Variants in NXPE2 observed in about 807,000 individuals in gnomAD.
The protein encoded by NXPE2 is neurexophilin and PC-esterase domain family member 2, also known as NXPE family member 2.
Under a neutral mutation model 34.4 loss-of-function variants are expected in NXPE2, and 34 were observed. The ratio of observed to expected loss-of-function variants is 0.99; its 90% CI spans 0.75 to 1.31. The LOEUF (loss-of-function observed/expected upper bound fraction) is 1.31, where lower values mean the gene tolerates loss of function less well. NXPE2 is among the 40% of genes most tolerant of loss of function. NXPE2 has a pLI of 0.00. For missense variants in NXPE2, 649 were observed against 672.5 expected (o/e 0.97, Z 0.39); for synonymous variants, 235 against 231.3 (o/e 1.02, Z -0.15).
At chr11:114,588,810 C>T in the NXPE2 span, among the ~76,000 whole-genome samples, 4 of 152,314 alleles carry the variant, frequency 2.6e-5, no homozygotes, top group Admixed American at 2.6e-4. Flanking sequence ...TAATAAAACA[C>T]ACCTTCTTGT....
At chr11:114,490,195 T>G in the NXPE2 span, among the ~76,000 whole-genome samples, 9 of 152,146 alleles carry the variant, frequency 5.9e-5, no homozygotes, top group Admixed American at 2.0e-4. Flanking sequence ...CACTGCTCAA[T>G]GAAATAAAAG....
the NXPE2 span, among the ~76,000 whole-genome samples, chr11:114,734,826 C>T: frequency 5.3e-5 from 8 of 151,948 alleles, no homozygotes; most frequent in Non-Finnish European, 8.8e-5. Context: ...AACCATTGCA[C>T]GGCAGGGCGC....
chr11:114,608,765 C>A, the NXPE2 span, among the ~76,000 whole-genome samples: 2 of 151,716 alleles, frequency 1.3e-5, no homozygotes, highest in African/African-American at 4.8e-5. Context: ...ATAAGTACTG[C>A]CTCATGGATA....
the NXPE2 span, among the ~76,000 whole-genome samples, chr11:114,610,198 A>T: frequency 6.6e-6 from 1 of 151,898 alleles, no homozygotes; most frequent in Admixed American, 6.6e-5. Context: ...CCACGTGGGT[A>T]GCCACTGTTA....
chr11:114,558,365 A>G, the NXPE2 span, among the ~76,000 whole-genome samples: 1 of 152,156 alleles, frequency 6.6e-6, no homozygotes, highest in African/African-American at 2.4e-5. Context: ...AGATGATTAG[A>G]AGTGGCCATA....
chr11:114,571,047 C>T, the NXPE2 span: 1 of 1,613,616 alleles, frequency 6.2e-7, no homozygotes. Context: ...ATCAATGATA[C>T]TCACACTGAG....
At chr11:114,680,378 C>T (rs1222459877) in intron 2 of NXPE2, among the ~76,000 whole-genome samples, 1 of 152,106 alleles carries the variant, frequency 6.6e-6, no homozygotes, top group African/African-American at 2.4e-5. Context: ...GTCTTTCTAA[C>T]CTTTGTCTAA....
chr11:114,644,983 T>C, the NXPE2 span, among the ~76,000 whole-genome samples: 1 of 151,720 alleles, frequency 6.6e-6, no homozygotes, highest in Non-Finnish European at 1.5e-5. Context: ...CATAAACACT[T>C]AATAAATGAT....
At chr11:114,598,242 C>G in the NXPE2 span, among the ~76,000 whole-genome samples, 7 of 54,078 alleles carry the variant, frequency 1.3e-4, no homozygotes, top group Admixed American at 5.2e-4. Flanking sequence ...GGCACACTAA[C>G]GCAAGGGGTG....
intron 3 of NXPE2, among the ~76,000 whole-genome samples, chr11:114,703,516 G>A (rs1951406213): frequency 2.0e-5 from 3 of 152,172 alleles, no homozygotes; most frequent in Non-Finnish European, 4.4e-5. Flanking sequence ...AAGTACTGCA[G>A]GTAATTCTGA....
chr11:114,607,342 T>G, the NXPE2 span, among the ~76,000 whole-genome samples: 3 of 151,938 alleles, frequency 2.0e-5, no homozygotes, highest in Non-Finnish European at 4.4e-5. Flanking sequence ...ATACTAAGTA[T>G]TGCCTCGTGG....
chr11:114,538,299 C>A, the NXPE2 span, among the ~76,000 whole-genome samples: 1 of 152,080 alleles, frequency 6.6e-6, no homozygotes, highest in Non-Finnish European at 1.5e-5. Context: ...TAAAGACTTA[C>A]ATGTTTGACC....
the NXPE2 span, among the ~76,000 whole-genome samples, chr11:114,614,521 A>G: frequency 3.3e-5 from 5 of 149,860 alleles, no homozygotes; most frequent in African/African-American, 9.9e-5. Context: ...ATGTTGCCTC[A>G]TGGGGAACCA....
chr11:114,633,714 G>T, the NXPE2 span, among the ~76,000 whole-genome samples: 1 of 151,494 alleles, frequency 6.6e-6, no homozygotes, highest in South Asian at 2.1e-4. Context: ...AACATGTGGC[G>T]TTTGGTTTTT....
At chr11:114,697,581 C>T (rs1469807361) in intron 2 of NXPE2, among the ~76,000 whole-genome samples, 1 of 152,158 alleles carries the variant, frequency 6.6e-6, no homozygotes, top group African/African-American at 2.4e-5. Context: ...GAACACAACC[C>T]TTCAACTAAA....
chr11:114,612,908 C>T, the NXPE2 span, among the ~76,000 whole-genome samples: 1 of 151,888 alleles, frequency 6.6e-6, no homozygotes, highest in African/African-American at 2.4e-5. Context: ...GCACTGTTAC[C>T]CGGTGGATAA....
the NXPE2 span, among the ~76,000 whole-genome samples, chr11:114,725,157 C>T: frequency 3.3e-5 from 5 of 151,908 alleles, no homozygotes; most frequent in Admixed American, 6.6e-5. Flanking sequence ...ACAAGGACAG[C>T]GAAGATACTC....
At chr11:114,712,680 A>G in the NXPE2 span, among the ~76,000 whole-genome samples, 1 of 152,352 alleles carries the variant, frequency 6.6e-6, no homozygotes, top group South Asian at 2.1e-4. Context: ...AATGTAAAAT[A>G]GTGCAACCAT....
At chr11:114,558,119 A>G in the NXPE2 span, among the ~76,000 whole-genome samples, 5 of 152,076 alleles carry the variant, frequency 3.3e-5, no homozygotes, top group African/African-American at 7.2e-5. Flanking sequence ...AAAGGAGACT[A>G]TAAGCAAGTC....
Sources: gnomAD v4.1 joint callset for allele counts (sites outside exome capture counted in the v4.1 genomes callset) on GRCh38, gnomAD v4.1.1 for gene constraint, MANE v1.5 for transcripts, NCBI Gene and HGNC (gene_info 2026-07-23, HGNC 2026-07-21) for gene names.